Variants in LINGO1 observed in about 807,000 individuals in gnomAD.
LINGO1 encodes the protein leucine-rich repeat and immunoglobulin-like domain-containing nogo receptor-interacting protein 1.
A neutral mutation model predicts 37.3 loss-of-function variants in LINGO1; 11 were observed. That is an observed-to-expected ratio of 0.29 (90% CI 0.19 to 0.49). The LOEUF (loss-of-function observed/expected upper bound fraction) is 0.49, where lower values mean the gene tolerates loss of function less well. LINGO1 is among the 20% of genes least tolerant of loss of function. The probability of loss-of-function intolerance (pLI) is 0.99; values close to 1 mark genes in which losing one functional copy is unlikely to be tolerated. For synonymous variants in LINGO1, 387 were observed against 403.0 expected (o/e 0.96, Z 0.48); for missense variants, 585 against 878.2 (o/e 0.67, Z 4.22).
chr15:77,671,822 G>C (rs1329027090), intron 3 of LINGO1, among the ~76,000 whole-genome samples: 1 of 152,214 alleles, frequency 6.6e-6, no homozygotes, highest in Non-Finnish European at 1.5e-5. Context: ...CAGGAAACTG[G>C]AGGAGGCCCC....
At chr15:77,641,128 G>C (rs992833350) in intron 3 of LINGO1, among the ~76,000 whole-genome samples, 3 of 152,242 alleles carry the variant, frequency 2.0e-5, no homozygotes, top group Admixed American at 6.5e-5. Flanking sequence ...GGGATGGAGG[G>C]GAGAGACAGC....
At chr15:77,805,737 C>G (rs2076954359) in intron 1 of LINGO1, among the ~76,000 whole-genome samples, 1 of 152,166 alleles carries the variant, frequency 6.6e-6, no homozygotes, top group South Asian at 2.1e-4. Context: ...CCATGCGTTT[C>G]CTGCCGGGCC....
chr15:77,699,971 C>G (rs2075761657), upstream of LINGO1, among the ~76,000 whole-genome samples: 3 of 152,196 alleles, frequency 2.0e-5, no homozygotes, highest in South Asian at 6.2e-4. Context: ...GAGGACTTGA[C>G]AGATGCCTCA....
intron 2 of LINGO1, among the ~76,000 whole-genome samples, chr15:77,794,344 A>G (rs936073283): frequency 2.4e-5 from 3 of 122,474 alleles, no homozygotes; most frequent in Admixed American, 8.3e-5. Flanking sequence ...ATATACATAC[A>G]TATATACGTA....
At chr15:77,681,852 C>T (rs74610074) in intron 2 of LINGO1, among the ~76,000 whole-genome samples, 5,092 of 152,220 alleles carry the variant, frequency 0.033, 125 homozygotes, top group Non-Finnish European at 0.051. Flanking sequence ...TCATAATCAT[C>T]ATGGTCCCCA....
intron 2 of LINGO1, among the ~76,000 whole-genome samples, chr15:77,730,803 G>A (rs62007779): frequency 0.015 from 2,252 of 152,356 alleles, 37 homozygotes; most frequent in Non-Finnish European, 0.023. Flanking sequence ...GTTAGACTGA[G>A]GGGAGGTGTG....
intron 3 of LINGO1, among the ~76,000 whole-genome samples, chr15:77,667,483 G>T (rs996374741): frequency 1.3e-5 from 2 of 152,200 alleles, no homozygotes; most frequent in Non-Finnish European, 2.9e-5. Flanking sequence ...GCTCTCAGGG[G>T]ACTGGGCTCG....
upstream of LINGO1, among the ~76,000 whole-genome samples, chr15:77,696,889 C>A (rs1207874907): frequency 6.6e-6 from 1 of 152,264 alleles, no homozygotes; most frequent in African/African-American, 2.4e-5. Context: ...CAGGCATGGG[C>A]GGGGCCCACA....
intron 3 of LINGO1, among the ~76,000 whole-genome samples, chr15:77,666,023 G>A (rs2075121904): frequency 6.6e-6 from 1 of 152,210 alleles, no homozygotes; most frequent in African/African-American, 2.4e-5. Context: ...GCTCCCCCAG[G>A]GCACAGCGAG....
At chr15:77,660,722 G>A (rs903427792) in intron 3 of LINGO1, among the ~76,000 whole-genome samples, 3 of 152,216 alleles carry the variant, frequency 2.0e-5, no homozygotes, top group Admixed American at 6.5e-5. Flanking sequence ...CCTGGCCTGG[G>A]TGGACAGGCA....
At chr15:77,757,115 C>G (rs1687819438) in intron 1 of LINGO1, among the ~76,000 whole-genome samples, 1 of 151,562 alleles carries the variant, frequency 6.6e-6, no homozygotes, top group African/African-American at 2.4e-5. Flanking sequence ...CTTGGCCAAG[C>G]CACCCTGCCT....
chr15:77,811,167 C>T (rs963578359), intron 1 of LINGO1, among the ~76,000 whole-genome samples: 4 of 151,944 alleles, frequency 2.6e-5, no homozygotes, highest in Non-Finnish European at 5.9e-5. Context: ...ACAGGGTGGC[C>T]GGTGGGGGCA....
intron 2 of LINGO1, among the ~76,000 whole-genome samples, chr15:77,679,152 C>T (rs2075374262): frequency 1.3e-5 from 2 of 152,198 alleles, no homozygotes; most frequent in Admixed American, 1.3e-4. Flanking sequence ...CCACCCACGT[C>T]GGCCTCCCAA....
At chr15:77,706,759 C>T (rs1457942318) in intron 2 of LINGO1, among the ~76,000 whole-genome samples, 2 of 152,252 alleles carry the variant, frequency 1.3e-5, no homozygotes, top group African/African-American at 4.8e-5. Context: ...GGAAAGGGGC[C>T]ATGGCTGCCT....
chr15:77,772,103 G>C (rs2076591788), intron 1 of LINGO1, among the ~76,000 whole-genome samples: 1 of 152,182 alleles, frequency 6.6e-6, no homozygotes, highest in Non-Finnish European at 1.5e-5. Context: ...GAGGAACCTT[G>C]GGCCTCCTCC....
chr15:77,812,914 T>C (rs1054882116), intron 1 of LINGO1, among the ~76,000 whole-genome samples: 6 of 152,202 alleles, frequency 3.9e-5, no homozygotes, highest in African/African-American at 1.4e-4. Flanking sequence ...AACAGATGTT[T>C]TGGGCCTAGC....
At chr15:77,634,017 AC>A (rs148807252), upstream of LINGO1, among the ~76,000 whole-genome samples, 2,014 of 152,278 alleles carry the variant, frequency 0.013, 49 homozygotes, top group African/African-American at 0.045. Context: ...GCTGGGAACA[AC>A]CCATTAGCAC....
chr15:77,676,303 T>G (rs966368116), intron 3 of LINGO1, among the ~76,000 whole-genome samples: 1 of 152,258 alleles, frequency 6.6e-6, no homozygotes, highest in African/African-American at 2.4e-5. Flanking sequence ...GACTGGGGGT[T>G]TAGCCCCCCA....
chr15:77,817,948 G>A (rs1297747481), intron 1 of LINGO1, among the ~76,000 whole-genome samples: 1 of 152,186 alleles, frequency 6.6e-6, no homozygotes, highest in South Asian at 2.1e-4. Flanking sequence ...TATTACCATA[G>A]ACATTACCAT....
Sources: gnomAD v4.1 joint callset for allele counts (sites outside exome capture counted in the v4.1 genomes callset) on GRCh38, gnomAD v4.1.1 for gene constraint, MANE v1.5 for transcripts, NCBI Gene and HGNC (gene_info 2026-07-23, HGNC 2026-07-21) for gene names.